LRRC7: variants seen among roughly 807,000 people sequenced by gnomAD.
LRRC7 encodes leucine rich repeat containing 7.
Under a neutral mutation model 175.7 loss-of-function variants are expected in LRRC7, and 23 were observed. The ratio of observed to expected loss-of-function variants is 0.13; its 90% CI spans 0.09 to 0.19. The LOEUF is 0.19. LRRC7 is among the 10% of genes least tolerant of loss of function. The probability of loss-of-function intolerance (pLI) is 1.00; values close to 1 mark genes in which losing one functional copy is unlikely to be tolerated. For missense variants in LRRC7, 1,354 were observed against 1,904.7 expected (o/e 0.71, Z 5.38); for synonymous variants, 685 against 680.9 (o/e 1.01, Z -0.09).
At chr1:70,051,744 A>G (rs1226753620) in intron 22 of LRRC7, among the ~76,000 whole-genome samples, 2 of 151,940 alleles carry the variant, frequency 1.3e-5, no homozygotes, top group Admixed American at 6.6e-5. Flanking sequence ...AATTTTCATT[A>G]TATCCATTAG....
At chr1:69,988,626 A>G (rs1029094178) in intron 10 of LRRC7, among the ~76,000 whole-genome samples, 51 of 152,238 alleles carry the variant, frequency 3.4e-4, no homozygotes, top group African/African-American at 1.2e-3. Context: ...TTAGGGCGGG[A>G]CCTCTTTTCT....
At chr1:69,934,520 T>G (rs1647778803) in intron 8 of LRRC7, among the ~76,000 whole-genome samples, 2 of 145,526 alleles carry the variant, frequency 1.4e-5, no homozygotes, top group Non-Finnish European at 3.0e-5. Context: ...GGTGGGGGGT[T>G]TTGTTGTTTC....
At chr1:70,112,613 A>G (rs1306468651) in intron 26 of LRRC7, among the ~76,000 whole-genome samples, 1 of 152,168 alleles carries the variant, frequency 6.6e-6, no homozygotes, top group Non-Finnish European at 1.5e-5. Context: ...GCCACTCACA[A>G]ACAAAAGTAC....
chr1:69,965,941 A>G (rs1288462297), intron 8 of LRRC7, among the ~76,000 whole-genome samples: 1 of 152,186 alleles, frequency 6.6e-6, no homozygotes, highest in East Asian at 1.9e-4. Context: ...CTAGTAATAA[A>G]CCAAGTGTAT....
At chr1:69,653,077 A>G (rs1489084422) in intron 1 of LRRC7, among the ~76,000 whole-genome samples, 1 of 152,108 alleles carries the variant, frequency 6.6e-6, no homozygotes, top group Non-Finnish European at 1.5e-5. Flanking sequence ...AGGGTCAACA[A>G]AAGTAAGAAT....
chr1:69,681,814 C>G (rs1365645993), intron 2 of LRRC7, among the ~76,000 whole-genome samples: 1 of 152,132 alleles, frequency 6.6e-6, no homozygotes, highest in Non-Finnish European at 1.5e-5. Flanking sequence ...TCCAGTCACT[C>G]TACTGAAACA....
intron 1 of LRRC7, among the ~76,000 whole-genome samples, chr1:69,645,089 T>A (rs1749485): frequency 0.22 from 33,293 of 151,740 alleles, 4,092 homozygotes; most frequent in South Asian, 0.29. Context: ...ACTTGTACAC[T>A]ACATTGTATC....
At chr1:69,606,069 C>G (rs545322528) in intron 1 of LRRC7, among the ~76,000 whole-genome samples, 1 of 152,236 alleles carries the variant, frequency 6.6e-6, no homozygotes, top group African/African-American at 2.4e-5. Context: ...TATGTTTATA[C>G]ATGTCTCAAA....
intron 3 of LRRC7, among the ~76,000 whole-genome samples, chr1:69,782,561 G>A (rs1425063735): frequency 1.3e-5 from 2 of 152,156 alleles, no homozygotes; most frequent in African/African-American, 4.8e-5. Context: ...GCTGAGTGTG[G>A]CTGGAGATGT....
intron 1 of LRRC7, among the ~76,000 whole-genome samples, chr1:69,601,084 G>A (rs555767255): frequency 1.2e-4 from 18 of 152,108 alleles, no homozygotes; most frequent in African/African-American, 4.3e-4. Context: ...CCAAAGTGCT[G>A]GGATTACAGG....
At chr1:70,102,157 T>C (rs1664846971) in intron 25 of LRRC7, among the ~76,000 whole-genome samples, 1 of 152,172 alleles carries the variant, frequency 6.6e-6, no homozygotes, top group Non-Finnish European at 1.5e-5. Flanking sequence ...TTGGAGCTAC[T>C]AAAGGAAGTA....
chr1:69,594,240 G>A (rs1426378520), intron 1 of LRRC7, among the ~76,000 whole-genome samples: 16 of 151,908 alleles, frequency 1.1e-4, no homozygotes, highest in Admixed American at 7.9e-4. Context: ...CTTTGTGTAC[G>A]CCGCTCTTTA....
chr1:69,940,385 G>A (rs992878711), intron 8 of LRRC7, among the ~76,000 whole-genome samples: 2 of 152,008 alleles, frequency 1.3e-5, no homozygotes, highest in Non-Finnish European at 2.9e-5. Flanking sequence ...AAAATATCAT[G>A]ACTGGGCACT....
rs112990776 is a variant in LRRC7, at chr1:69,738,662, T to C, written c.101-21529T>C. Among the ~76,000 whole-genome samples, 530 of 152,220 alleles carry C rather than the reference T, an allele frequency of 3.5e-3. 2 individuals are homozygous for C. Among genetic ancestry groups the C allele is most frequent in the Admixed American group, 8.9e-3 (136 of 15,266 alleles). ...CTTTGAGAGAGAGAAAAAGAAAGAC[T>C]ATTTTTATTCAAAATCAACATAGTT... On this transcript the variant is annotated intron_variant, in intron 2 of 26. Coordinates refer to ENST00000651989, the MANE Select transcript of LRRC7 (RefSeq NM_001370785.2).
At chr1:70,114,442 T>C (rs1461312308) in intron 26 of LRRC7, among the ~76,000 whole-genome samples, 3 of 152,038 alleles carry the variant, frequency 2.0e-5, no homozygotes, top group African/African-American at 4.8e-5. Flanking sequence ...GGCAGGAGGA[T>C]TGCTTGAGGC....
intron 1 of LRRC7, among the ~76,000 whole-genome samples, chr1:69,650,447 G>A (rs886754418): frequency 2.0e-5 from 3 of 150,762 alleles, no homozygotes; most frequent in Non-Finnish European, 4.4e-5. Flanking sequence ...GACTGAGGCT[G>A]GAGAATGGCG....
At position 70,129,246 on chromosome 1, in the gene LRRC7, T is replaced by TAA. The variant is rs199578199; in HGVS notation, c.*7374_*7375dup. 3.7e-5 allele frequency among the ~76,000 whole-genome samples: 5 copies of TAA among 134,026 alleles called. No individual in the cohort carries two copies. Among genetic ancestry groups the TAA allele is most frequent in the Non-Finnish European group, 3.2e-5 (2 of 61,620 alleles). 87.9% of individuals were successfully genotyped at this position (134,026 alleles called of 152,430 possible). A position where few individuals can be genotyped will look rare whatever the true frequency, so the allele number is the denominator to read the frequency against. ...TGGGTGACAGAGTGAGACTCCATCT[T>TAA]AAAAAAAAAAAAAAAAGTGTCACGA... On this transcript the variant is annotated 3_prime_UTR_variant, in exon 27 of 27. Transcript: ENST00000651989.
intron 7 of LRRC7, among the ~76,000 whole-genome samples, chr1:69,864,390 A>T (rs1684689488): frequency 6.6e-6 from 1 of 152,184 alleles, no homozygotes; most frequent in Non-Finnish European, 1.5e-5. Context: ...AAAACTAAAA[A>T]CAAAAGTCTA....
intron 17 of LRRC7, among the ~76,000 whole-genome samples, chr1:70,024,181 C>T (rs1202377776): frequency 2.0e-5 from 3 of 151,758 alleles, no homozygotes; most frequent in African/African-American, 7.3e-5. Context: ...AACTAATTCT[C>T]GAAGTAATAT....
Sources: gnomAD v4.1 joint callset for allele counts (sites outside exome capture counted in the v4.1 genomes callset) on GRCh38, gnomAD v4.1.1 for gene constraint, MANE v1.5 for transcripts, NCBI Gene and HGNC (gene_info 2026-07-23, HGNC 2026-07-21) for gene names.